The following PTPRB variants were observed in gnomAD, a reference collection of about 807,000 sequenced individuals.
PTPRB encodes receptor-type tyrosine-protein phosphatase beta.
In PTPRB, 97 loss-of-function variants were observed where a neutral mutation model predicts 238.1. The ratio of observed to expected loss-of-function variants is 0.41; its 90% CI spans 0.35 to 0.48. The LOEUF is 0.48. PTPRB is among the 20% of genes least tolerant of loss of function. The pLI, the probability that PTPRB is intolerant of heterozygous loss-of-function variation, is 0.30. For synonymous variants in PTPRB, 970 were observed against 995.4 expected, an observed-to-expected ratio of 0.97 and a Z score of 0.48; for missense variants, 2,292 against 2,681.9, an observed-to-expected ratio of 0.85 and a Z score of 3.21.
At chr12:70,600,167 T>C (rs1310181753) in intron 4 of PTPRB, among the ~76,000 whole-genome samples, 2 of 152,158 alleles carry the variant, frequency 1.3e-5, no homozygotes, top group Non-Finnish European at 2.9e-5. Context: ...TTCAACCTTA[T>C]AACAAAAAGG....
intron 5 of PTPRB, among the ~76,000 whole-genome samples, chr12:70,595,086 GGCACATAT>G (rs967155340): frequency 6.6e-6 from 1 of 152,036 alleles, no homozygotes; most frequent in Non-Finnish European, 1.5e-5. Context: ...GGGAAAATGT[GGCACATAT>G]ACACCATGGA....
chr12:70,596,335 G>A lies in PTPRB; in HGVS notation c.980-8C>T, dbSNP rs1361992689. 6 of 1,441,552 alleles carry A rather than the reference G, an allele frequency of 4.2e-6. No homozygotes were observed. The East Asian group carries it at 7.5e-5, about 18-fold the overall frequency. 89.3% of individuals were successfully genotyped at this position (1,441,552 alleles called of 1,614,324 possible). On this transcript the variant is annotated splice_polypyrimidine_tract_variant and splice_region_variant and intron_variant, in intron 4 of 33. Coordinates refer to ENST00000334414, the MANE Select transcript of PTPRB (RefSeq NM_001109754.4). ...TAGCAGGAGGTAAAGGATCTGCAAG[G>A]CAAATACACACACACACACAAAAAA...
chr12:70,619,119 A>G (rs997483919), intron 3 of PTPRB, among the ~76,000 whole-genome samples: 7 of 151,062 alleles, frequency 4.6e-5, no homozygotes, highest in African/African-American at 1.7e-4. Context: ...ATTATCAGGC[A>G]CACTATGTAA....
intron 4 of PTPRB, among the ~76,000 whole-genome samples, chr12:70,598,089 G>T (rs1455216944): frequency 2.0e-5 from 3 of 152,290 alleles, no homozygotes; most frequent in East Asian, 1.9e-4. Flanking sequence ...GGAAGACAAG[G>T]TTGCATGGTT....
rs575262845 is a variant in PTPRB, at chr12:70,607,636, C to T, written c.979+1433G>A. On this transcript the variant is annotated intron_variant, in intron 4 of 33. Coordinates refer to ENST00000334414, the MANE Select transcript of PTPRB (RefSeq NM_001109754.4). ...ATCTGGCTTCTCTGCCTCCTGGGCT[C>T]AAGCAATTCTCTGCCTCAGCCTCCC... Among the ~76,000 whole-genome samples, 3 of 150,760 alleles carry T rather than the reference C, an allele frequency of 2.0e-5. No homozygotes were observed. In the East Asian group the frequency reaches 5.9e-4, roughly 30 times the overall value.
chr12:70,560,659 T>G lies in PTPRB; in HGVS notation c.4432+12A>C. The G allele has an allele frequency of 6.2e-7, 1 of 1,611,950 alleles. No individual in the cohort carries two copies. The highest frequency in any genetic ancestry group is 1.1e-5 in the South Asian group (1 of 91,012). ...CCACCATCCCTTGGCCATTGGCACC[T>G]GGGCTTCTCACCTGTTCTGCTCTCC... On this transcript the variant is annotated intron_variant, in intron 17 of 33. Coordinates refer to ENST00000334414, the MANE Select transcript of PTPRB (RefSeq NM_001109754.4). This position sits in a 1 kb window ranked among gnomAD's most constrained non-coding sequence, Gnocchi z 4.2.
At chr12:70,556,288 G>T in intron 18 of PTPRB, 140 bp from the exon 19 acceptor site, 1 of 782,032 alleles carries the variant, frequency 1.3e-6, no homozygotes, top group Non-Finnish European at 2.0e-6. Flanking sequence ...GCTCACCCTA[G>T]CAGAGACACA....
At chr12:70,530,732 T>C (rs416000) in intron 32 of PTPRB, among the ~76,000 whole-genome samples, 66,267 of 151,936 alleles carry the variant, frequency 0.44, 16,871 homozygotes, top group African/African-American at 0.71. Flanking sequence ...TTCCTAGTTT[T>C]GTGTATTTTC....
In PTPRB at chr12:70,539,810, TGTGTTC is replaced by T. The variant is rs1190911633; in HGVS notation, c.5696+11_5696+16del. ...CAAAGGCAGATAATATAGTAATTAATGTGTTCTCTCTCTTACCAAGAAGTTTTCCGG... is the reference window on the plus strand; with the variant it reads ...CAAAGGCAGATAATATAGTAATTAATTCTCTCTTACCAAGAAGTTTTCCGG... On this transcript the variant is annotated intron_variant, in intron 25 of 33. Transcript: ENST00000334414. The T allele has an allele frequency of 1.9e-6, 3 of 1,598,222 alleles. No individual in the cohort carries two copies. The highest frequency in any genetic ancestry group is 2.6e-6 in the Non-Finnish European group (3 of 1,165,586).
At chr12:70,610,506 A>G (rs540255368) in intron 3 of PTPRB, among the ~76,000 whole-genome samples, 2 of 151,322 alleles carry the variant, frequency 1.3e-5, no homozygotes, top group Non-Finnish European at 2.9e-5. Context: ...TGACCGCAGC[A>G]TATTTCCCCA....
Position 70,534,549 on chromosome 12 carries a change from T to C in PTPRB, c.6307A>G (p.Arg2103Gly), listed in dbSNP as rs761027680. The stretch of plus-strand genomic sequence containing the variant: ...CTGTTGATGTAGTCCCTGACAGTTC[T>C]CACAAACTGGATCAGAGACTGGGTG... ...ETTQSLIQFV[R>G]TVRDYINRSP... The change falls in exon 31 of 34, where the codon AGA becomes GGA. Residue 2103 changes from arginine to glycine, a missense_variant. Transcript: ENST00000334414. 6.2e-7 allele frequency: 1 copy of C among 1,613,450 alleles called. No homozygotes were observed. The highest frequency in any genetic ancestry group is 2.2e-5 in the East Asian group (1 of 44,862).
At chr12:70,566,373 G>A in intron 15 of PTPRB, 62 bp downstream of exon 15, 1 of 1,560,660 alleles carries the variant, frequency 6.4e-7, no homozygotes, top group Non-Finnish European at 8.7e-7. Context: ...TCACCCTGGG[G>A]TTCTTACACA....
Position 70,516,481 on chromosome 12 carries a change from A to G in PTPRB, c.*5008T>C, listed in dbSNP as rs2136181079. ...GTGTGGCAGACTAGGACATTCCACAAAGGCTGGTACAGGCTTTCCTACTAA... is the reference window on the plus strand; with the variant it reads ...GTGTGGCAGACTAGGACATTCCACAGAGGCTGGTACAGGCTTTCCTACTAA... On this transcript the variant is annotated 3_prime_UTR_variant, in exon 34 of 34. Coordinates refer to ENST00000334414, the MANE Select transcript of PTPRB (RefSeq NM_001109754.4). The G allele has an allele frequency of 6.6e-6, 1 of 152,334 alleles. No homozygotes were observed. Among genetic ancestry groups the G allele is most frequent in the African/African-American group, 2.4e-5 (1 of 41,580 alleles). The allele number at this position is 152,334 out of a possible 1,614,324, so 9.4% of individuals were successfully genotyped here.
At chr12:70,594,335 G>A in intron 6 of PTPRB, 132 bp downstream of exon 6, 1 of 1,208,826 alleles carries the variant, frequency 8.3e-7, no homozygotes, top group East Asian at 2.5e-5. Flanking sequence ...TAGAAAAGTG[G>A]ATATGGGTCT....
At chr12:70,554,859 AG>A (rs1411630129) in intron 20 of PTPRB, among the ~76,000 whole-genome samples, 1 of 152,210 alleles carries the variant, frequency 6.6e-6, no homozygotes, top group Non-Finnish European at 1.5e-5. Context: ...CACTTCCAAT[AG>A]TGCACAGCAC....
rs1877103290 is a variant in PTPRB, at chr12:70,552,870, T to C, written c.5294A>G (p.Lys1765Arg). Reference sequence around the variant, plus strand: ...TAGGCTCTCCATCTCTGCTCCAAGCTTAATGTTAAAACTCTTGGAGTTGCT... The same window carrying C: ...TAGGCTCTCCATCTCTGCTCCAAGCCTAATGTTAAAACTCTTGGAGTTGCT... ...PNSNSKSFNI[K>R]LGAEMESLGG... is the part of the protein sequence containing the mutation. Residue 1765 changes from lysine (K) to arginine (R), a missense_variant, in exon 21 of 34, where the codon AAG becomes AGG. Physicochemically the swap from Lys to Arg is conservative, Grantham distance 26. Coordinates refer to ENST00000334414, the MANE Select transcript of PTPRB (RefSeq NM_001109754.4). 1.2e-6 allele frequency: 2 copies of C among 1,613,872 alleles called. No homozygotes were observed. The highest frequency in any genetic ancestry group is 1.7e-5 in the Admixed American group (1 of 59,996).
intron 16 of PTPRB, among the ~76,000 whole-genome samples, chr12:70,561,814 ATCTCCCTTT>A (rs1302827688): frequency 6.6e-6 from 1 of 152,082 alleles, no homozygotes; most frequent in Non-Finnish European, 1.5e-5. Flanking sequence ...TTCCCAGATC[ATCTCCCTTT>A]GATGATCTGT....
Position 70,569,578 on chromosome 12 carries a change from A to T in PTPRB, c.3634+97T>A. The T allele has an allele frequency of 2.7e-6, 4 of 1,456,752 alleles. No individual in the cohort carries two copies. The East Asian group carries it at 6.9e-5, about 25-fold the overall frequency. The allele number at this position is 1,456,752 out of a possible 1,614,324, so 90.2% of individuals were successfully genotyped here. A position where few individuals can be genotyped will look rare whatever the true frequency, so the allele number is the denominator to read the frequency against. ...GAATTGTACAAACTTTGGTGGTTTT[A>T]AATCTGGATTTGTGAATAGCTGAGC... On this transcript the variant is annotated intron_variant, in intron 14 of 33. Coordinates refer to ENST00000334414, the MANE Select transcript of PTPRB (RefSeq NM_001109754.4).
intron 10 of PTPRB, among the ~76,000 whole-genome samples, chr12:70,580,635 C>T (rs77312011): frequency 0.1 from 15,203 of 151,844 alleles, 794 homozygotes; most frequent in East Asian, 0.14. Flanking sequence ...GCCTGACCAA[C>T]GTGGAGAAAC....
Sources: allele counts gnomAD v4.1 joint callset (sites outside exome capture counted in the v4.1 genomes callset), GRCh38; gene constraint gnomAD v4.1.1; non-coding constraint Gnocchi (gnomAD v3.1); transcripts MANE v1.5; gene names NCBI Gene and HGNC (gene_info 2026-07-23, HGNC 2026-07-21).